DCBLD1: variants seen among roughly 807,000 people sequenced by gnomAD.
DCBLD1 encodes discoidin, CUB and LCCL domain containing 1, also known as discoidin, CUB and LCCL domain-containing protein 1.
In DCBLD1, 57 loss-of-function variants were observed where a neutral mutation model predicts 71.5. The ratio of observed to expected loss-of-function variants is 0.80; its 90% CI spans 0.64 to 0.99. The LOEUF is 0.99. Ranked by LOEUF, DCBLD1 falls within the 50% of genes least tolerant of loss-of-function variation. DCBLD1 has a pLI of 0.00. For synonymous variants in DCBLD1, 380 were observed against 363.8 expected (o/e 1.04, Z -0.51); for missense variants, 891 against 923.5 (o/e 0.96, Z 0.46).
chr6:117,566,498 G>A (rs910589286), intron 14 of DCBLD1, among the ~76,000 whole-genome samples: 1 of 152,134 alleles, frequency 6.6e-6, no homozygotes, highest in Admixed American at 6.5e-5. Context: ...TTCATTGTGA[G>A]AGATGAATTT....
chr6:117,527,795 G>T (rs2114510760), intron 5 of DCBLD1, among the ~76,000 whole-genome samples: 1 of 152,084 alleles, frequency 6.6e-6, no homozygotes, highest in Admixed American at 6.5e-5. Flanking sequence ...CAGGAGGTGT[G>T]AGGGGGGAAC....
intron 11 of DCBLD1, among the ~76,000 whole-genome samples, chr6:117,541,375 CT>C (rs375730528): frequency 1.6e-4 from 24 of 152,012 alleles, no homozygotes; most frequent in Admixed American, 5.2e-4. Context: ...ATAGTGGCAA[CT>C]TAAAAAAAAT....
rs772797713 is a variant in DCBLD1 at position 117,545,644 on chromosome 6, C to G, written c.1615+47C>G. The G allele has an allele frequency of 1.3e-5, 20 of 1,579,624 alleles. No homozygotes were observed. In the African/African-American group the frequency reaches 2.4e-4, roughly 19 times the overall value. ...CTGTGCTATTAGATTGGAGGTGCTG[C>G]TTGTGGGGGAGGGAGACAGGAGAGA... On this transcript the variant is annotated intron_variant, in intron 14 of 14. Coordinates refer to ENST00000338728, the MANE Select transcript of DCBLD1 (RefSeq NM_001366458.2).
intron 2 of DCBLD1, 67 bp from the exon 3 acceptor site, chr6:117,519,749 T>A: frequency 6.4e-7 from 1 of 1,556,624 alleles, no homozygotes; most frequent in Non-Finnish European, 8.7e-7. Context: ...AGGAAAAAAA[T>A]GCCATATACC....
At chr6:117,518,329 C>T (rs866801076) in intron 2 of DCBLD1, among the ~76,000 whole-genome samples, 6 of 152,304 alleles carry the variant, frequency 3.9e-5, no homozygotes, top group Middle Eastern at 3.4e-3. Flanking sequence ...TTGTCCATAT[C>T]GCTATCAGCA....
At chr6:117,512,721 T>C (rs1199950602) in intron 2 of DCBLD1, among the ~76,000 whole-genome samples, 1 of 152,166 alleles carries the variant, frequency 6.6e-6, no homozygotes, top group Non-Finnish European at 1.5e-5. Context: ...TTATCTGTCA[T>C]AAGAAAGAAT....
Position 117,548,314 on chromosome 6 carries a change from G to A in DCBLD1, c.2023G>A (p.Ala675Thr), listed in dbSNP as rs778673829. ...YDRPKAVSAL[A>T]TESGHPDSQK... is the part of the protein sequence containing the mutation. ...CCGGCCCAAAGCTGTCAGCGCCCTC[G>A]CCACCGAAAGCGGGCACCCTGACTC... Residue 675 changes from alanine to threonine, a missense_variant, in exon 15 of 15, where the codon GCC (alanine) becomes ACC (threonine). Transcript: ENST00000338728. The A allele has an allele frequency of 2.6e-5, 40 of 1,550,516 alleles. No homozygotes were observed. Among genetic ancestry groups the A allele is most frequent in the Non-Finnish European group, 3.3e-5 (38 of 1,146,994 alleles).
In DCBLD1 at chr6:117,549,520, T is replaced by C; in HGVS notation, c.*1081T>C. 1 of 985,366 alleles carries C rather than the reference T, an allele frequency of 1.0e-6. No homozygotes were observed. Among genetic ancestry groups the C allele is most frequent in the Non-Finnish European group, 1.2e-6 (1 of 829,918 alleles). The allele number at this position is 985,366 out of a possible 1,614,324, so 61.0% of individuals were successfully genotyped here. ...TTTTTATTTGAGTTTCTTTTGTGAG[T>C]TAACTATGGGAGATTTAACCTCTTT... On this transcript the variant is annotated 3_prime_UTR_variant, in exon 15 of 15. Coordinates refer to ENST00000338728, the MANE Select transcript of DCBLD1 (RefSeq NM_001366458.2).
chr6:117,550,903 C>T (rs759093132), downstream of DCBLD1, among the ~76,000 whole-genome samples: 3 of 152,148 alleles, frequency 2.0e-5, no homozygotes, highest in East Asian at 1.9e-4. Flanking sequence ...CCTAGTCTCT[C>T]CCCCAGATCT....
chr6:117,565,057 G>A (rs1053283375), intron 14 of DCBLD1, among the ~76,000 whole-genome samples: 1 of 151,620 alleles, frequency 6.6e-6, no homozygotes, highest in Admixed American at 6.6e-5. Flanking sequence ...CATATTAGTA[G>A]GTAAAATTGA....
chr6:117,529,989 T>C (rs1025174600), intron 5 of DCBLD1, among the ~76,000 whole-genome samples: 1 of 152,198 alleles, frequency 6.6e-6, no homozygotes, highest in Non-Finnish European at 1.5e-5. Flanking sequence ...ACCTGTCATC[T>C]TACAGCCAAG....
intron 14 of DCBLD1, among the ~76,000 whole-genome samples, chr6:117,566,406 A>G (rs1779697488): frequency 6.6e-6 from 1 of 152,178 alleles, no homozygotes; most frequent in African/African-American, 2.4e-5. Context: ...TAAACCAAAC[A>G]TCCCCAAGAT....
downstream of DCBLD1, among the ~76,000 whole-genome samples, chr6:117,554,029 C>T (rs1779464580): frequency 6.6e-6 from 1 of 152,220 alleles, no homozygotes; most frequent in Non-Finnish European, 1.5e-5. Flanking sequence ...ACCCTTACAA[C>T]AGTGTCTGAC....
intron 5 of DCBLD1, among the ~76,000 whole-genome samples, chr6:117,529,466 G>A (rs9767456): frequency 0.016 from 2,502 of 152,172 alleles, 71 homozygotes; most frequent in African/African-American, 0.057. Context: ...ATGTACCCAT[G>A]TACATGGGTT....
chr6:117,511,612 C>A (rs1778023975), intron 2 of DCBLD1, among the ~76,000 whole-genome samples: 1 of 152,196 alleles, frequency 6.6e-6, no homozygotes, highest in South Asian at 2.1e-4. Context: ...GACTCATAAT[C>A]ACAACAGGTT....
At chr6:117,513,550 G>T (rs1189846273) in intron 2 of DCBLD1, among the ~76,000 whole-genome samples, 1 of 152,188 alleles carries the variant, frequency 6.6e-6, no homozygotes, top group African/African-American at 2.4e-5. Flanking sequence ...CTGCACTCCA[G>T]TGTGATGGGA....
chr6:117,528,814 A>C (rs528340728), intron 5 of DCBLD1, among the ~76,000 whole-genome samples: 1 of 152,302 alleles, frequency 6.6e-6, no homozygotes, highest in South Asian at 2.1e-4. Context: ...TCTTAGAATC[A>C]AGTAAAATGC....
At chr6:117,541,630 T>C (rs558209500) in intron 11 of DCBLD1, among the ~76,000 whole-genome samples, 2 of 152,308 alleles carry the variant, frequency 1.3e-5, no homozygotes, top group South Asian at 2.1e-4. Flanking sequence ...TTTCAGAATA[T>C]AAAATAATTT....
At chr6:117,489,973 A>T (rs1202140297) in intron 1 of DCBLD1, among the ~76,000 whole-genome samples, 1 of 152,246 alleles carries the variant, frequency 6.6e-6, no homozygotes, top group Non-Finnish European at 1.5e-5. Flanking sequence ...GAAGCAGAAC[A>T]GTTGTGAAAC....
Sources: allele counts gnomAD v4.1 joint callset (sites outside exome capture counted in the v4.1 genomes callset), GRCh38; gene constraint gnomAD v4.1.1; transcripts MANE v1.5; gene names NCBI Gene and HGNC (gene_info 2026-07-23, HGNC 2026-07-21).